RNF43: variants seen among roughly 807,000 people sequenced by gnomAD.
RNF43 encodes the protein E3 ubiquitin-protein ligase RNF43.
A neutral mutation model predicts 78.4 loss-of-function variants in RNF43; 37 were observed. The observed-to-expected ratio is 0.47, with a 90% confidence interval of 0.36 to 0.62. The LOEUF is 0.62. Ranked by LOEUF, RNF43 falls within the 20% of genes least tolerant of loss-of-function variation. The pLI is 0.00. For synonymous variants in RNF43, 347 were observed against 395.0 expected (o/e 0.88, Z 1.44); for missense variants, 774 against 1,007.9 (o/e 0.77, Z 3.14).
intron 6 of RNF43, among the ~76,000 whole-genome samples, chr17:58,362,035 G>C (rs575068897): frequency 6.6e-6 from 1 of 151,692 alleles, no homozygotes; most frequent in Admixed American, 6.6e-5. Context: ...GCAGTGAGCC[G>C]AGATCACGCC....
chr17:58,355,969 C>T (rs972023205), intron 9 of RNF43, among the ~76,000 whole-genome samples: 7 of 152,152 alleles, frequency 4.6e-5, no homozygotes, highest in African/African-American at 1.4e-4. Flanking sequence ...GAATCTGGCA[C>T]TGATTAGATG....
chr17:58,374,131 AG>A, intron 2 of RNF43, among the ~76,000 whole-genome samples: 1 of 152,174 alleles, frequency 6.6e-6, no homozygotes, highest in Non-Finnish European at 1.5e-5. Flanking sequence ...GAGGAAACTG[AG>A]GCACTAAAAG....
At chr17:58,392,367 A>T (rs1460643922) in intron 2 of RNF43, among the ~76,000 whole-genome samples, 1 of 152,266 alleles carries the variant, frequency 6.6e-6, no homozygotes, top group African/African-American at 2.4e-5. Flanking sequence ...CAGCTAGTTT[A>T]TGACCAAAAA....
intron 2 of RNF43, among the ~76,000 whole-genome samples, chr17:58,403,018 G>C (rs940607392): frequency 2.0e-5 from 3 of 152,134 alleles, no homozygotes; most frequent in African/African-American, 7.2e-5. Context: ...GGGGTAGGTT[G>C]TTGTTTCGAG....
intron 2 of RNF43, among the ~76,000 whole-genome samples, chr17:58,379,226 G>A (rs1183178779): frequency 1.3e-5 from 2 of 152,098 alleles, no homozygotes; most frequent in Non-Finnish European, 2.9e-5. Context: ...AGGCTTCAGG[G>A]TCCCCATTTC....
At chr17:58,407,359 C>T (rs1203777901) in intron 2 of RNF43, among the ~76,000 whole-genome samples, 2 of 151,994 alleles carry the variant, frequency 1.3e-5, no homozygotes, top group East Asian at 1.9e-4. Context: ...GGATTACAGG[C>T]GTGAGCCACC....
chr17:58,362,291 A>T (rs1972851814), intron 6 of RNF43, among the ~76,000 whole-genome samples: 1 of 151,874 alleles, frequency 6.6e-6, no homozygotes, highest in East Asian at 1.9e-4. Flanking sequence ...GTTTTTTGTC[A>T]TCTTGTTCAC....
At chr17:58,405,269 G>C (rs1355052975) in intron 2 of RNF43, among the ~76,000 whole-genome samples, 1 of 151,436 alleles carries the variant, frequency 6.6e-6, no homozygotes, top group Non-Finnish European at 1.5e-5. Flanking sequence ...AGTAGAGACG[G>C]GGTTTCACCA....
In RNF43 at chr17:58,357,510, G is replaced by A. The variant is rs1972711344; in HGVS notation, c.2266C>T (p.Pro756Ser). 6.2e-7 allele frequency: 1 copy of A among 1,614,106 alleles called. No homozygotes were observed. Among genetic ancestry groups the A allele is most frequent in the Non-Finnish European group, 8.5e-7 (1 of 1,180,040 alleles). ...EWSSDTAEGR[P>S]CPYPHCQVLS... is the part of the protein sequence containing the mutation. ...ACCTGGCAGTGCGGATAAGGGCATG[G>A]CCTGCCCTCTGCGGTGTCAGAACTC... is the stretch of plus-strand genomic sequence containing the variant. Residue 756 changes from proline (P) to serine (S), a missense_variant, in exon 9 of 10, where the codon CCA becomes TCA. By Grantham distance (74) the Pro-to-Ser change is moderately conservative. Transcript: ENST00000407977. This position sits in a 1 kb window ranked among gnomAD's most constrained non-coding sequence, Gnocchi z 4.5.
chr17:58,385,429 C>T (rs921429636), intron 2 of RNF43, among the ~76,000 whole-genome samples: 13 of 152,206 alleles, frequency 8.5e-5, no homozygotes, highest in Non-Finnish European at 1.0e-4. Flanking sequence ...AACGGCACCA[C>T]CATTTTCCTA....
intron 5 of RNF43, 52 bp from the exon 6 acceptor site, chr17:58,362,700 C>G (rs1972863787): frequency 6.9e-7 from 1 of 1,443,004 alleles, no homozygotes; most frequent in East Asian, 2.5e-5. Flanking sequence ...TGAGCTGGGT[C>G]AATTCGGGAG....
chr17:58,376,376 AAAT>A (rs756801651), intron 2 of RNF43, among the ~76,000 whole-genome samples: 5 of 150,410 alleles, frequency 3.3e-5, no homozygotes, highest in East Asian at 1.9e-4. Context: ...TTGATAAAAA[AAAT>A]AAATAAATAA....
chr17:58,375,371 C>T (rs1428681599), intron 2 of RNF43, among the ~76,000 whole-genome samples: 1 of 152,216 alleles, frequency 6.6e-6, no homozygotes, highest in Non-Finnish European at 1.5e-5. Flanking sequence ...TCCCACCTTG[C>T]GACCTATGTT....
intron 2 of RNF43, among the ~76,000 whole-genome samples, chr17:58,403,964 A>G (rs891908216): frequency 1.3e-4 from 20 of 152,286 alleles, no homozygotes; most frequent in Non-Finnish European, 2.2e-4. Context: ...TAGTGATTGA[A>G]GTCAGTGTGC....
chr17:58,375,449 C>T (rs947816044), intron 2 of RNF43, among the ~76,000 whole-genome samples: 3 of 152,204 alleles, frequency 2.0e-5, no homozygotes, highest in African/African-American at 7.2e-5. Flanking sequence ...CGGCATTTCC[C>T]TAATCATACA....
chr17:58,393,830 G>T (rs931660200), intron 2 of RNF43, among the ~76,000 whole-genome samples: 1 of 152,124 alleles, frequency 6.6e-6, no homozygotes, highest in Non-Finnish European at 1.5e-5. Context: ...TGAGGCGGGC[G>T]GATCATGAGG....
chr17:58,400,683 A>G (rs1303497619), intron 2 of RNF43, among the ~76,000 whole-genome samples: 1 of 152,240 alleles, frequency 6.6e-6, no homozygotes, highest in East Asian at 1.9e-4. Context: ...TTTTCACTGT[A>G]GGATGTCGCT....
In RNF43 at chr17:58,354,952, C is replaced by T; in HGVS notation, c.2343G>A (p.Gln781=). Residue 781 remains glutamine (Q), a synonymous_variant, in exon 10 of 10, where the codon CAG becomes CAA. Transcript: ENST00000407977. ...SEEELEELCE[Q]AV The stretch of plus-strand genomic sequence containing the variant: ...GCTAGGCCTGAACATCTCACACAGC[C>T]TGTTCACACAGCTCCTCGAGTTCCT... 1 of 1,614,166 alleles carries T rather than the reference C, an allele frequency of 6.2e-7. No individual in the cohort carries two copies. The highest frequency in any genetic ancestry group is 8.5e-7 in the Non-Finnish European group (1 of 1,179,988).
At chr17:58,375,682 AG>A (rs1452205226) in intron 2 of RNF43, among the ~76,000 whole-genome samples, 1 of 152,158 alleles carries the variant, frequency 6.6e-6, no homozygotes, top group Non-Finnish European at 1.5e-5. Flanking sequence ...GGAATTAGAG[AG>A]GGGGTAGTAG....
Sources: allele counts gnomAD v4.1 joint callset (sites outside exome capture counted in the v4.1 genomes callset), GRCh38; gene constraint gnomAD v4.1.1; non-coding constraint Gnocchi (gnomAD v3.1); transcripts MANE v1.5; gene names NCBI Gene and HGNC (gene_info 2026-07-23, HGNC 2026-07-21).